SPECC1: variants seen among roughly 807,000 people sequenced by gnomAD.
SPECC1 encodes sperm antigen with calponin homology and coiled-coil domains 1, also known as cytospin-B.
Under a neutral mutation model 104.1 loss-of-function variants are expected in SPECC1, and 62 were observed. The observed-to-expected ratio is 0.60, with a 90% CI of 0.49 to 0.74. SPECC1 has a LOEUF of 0.74. SPECC1 is among the 30% of genes least tolerant of loss of function. The pLI is 0.00. For synonymous variants in SPECC1, 513 were observed against 501.6 expected, an observed-to-expected ratio of 1.02 and a Z score of -0.30; for missense variants, 1,306 against 1,310.5, an observed-to-expected ratio of 1.00 and a Z score of 0.05.
chr17:20,018,135 T>C, intron 1 of SPECC1: 1 of 152,268 alleles, frequency 6.6e-6, no homozygotes, highest in East Asian at 1.9e-4. Context: ...CCTCTGCTGT[T>C]CTATCTGCTG....
chr17:20,234,221 A>G (rs1210811465), intron 7 of SPECC1, among the ~76,000 whole-genome samples: 1 of 151,868 alleles, frequency 6.6e-6, no homozygotes, highest in Non-Finnish European at 1.5e-5. Flanking sequence ...TTGCAAACCT[A>G]CCTCCCAATC....
At chr17:20,045,933 C>T (rs1478576588) in intron 1 of SPECC1, among the ~76,000 whole-genome samples, 2 of 151,716 alleles carry the variant, frequency 1.3e-5, no homozygotes, top group African/African-American at 4.8e-5. Flanking sequence ...GGCTTTTCCT[C>T]CCCCTCTGTT....
chr17:20,053,479 A>G (rs868106205), intron 1 of SPECC1, among the ~76,000 whole-genome samples: 3 of 152,216 alleles, frequency 2.0e-5, no homozygotes, highest in African/African-American at 7.2e-5. Flanking sequence ...CTTTCTAACT[A>G]ATGGAATAAG....
chr17:20,079,206 G>C (rs898980423), intron 1 of SPECC1, among the ~76,000 whole-genome samples: 3 of 152,116 alleles, frequency 2.0e-5, no homozygotes, highest in South Asian at 4.1e-4. Flanking sequence ...GTGCAGTTGC[G>C]TCCCCACACA....
At chr17:20,308,177 C>T (rs1184720504) in intron 14 of SPECC1, among the ~76,000 whole-genome samples, 2 of 151,990 alleles carry the variant, frequency 1.3e-5, no homozygotes, top group East Asian at 3.9e-4. Flanking sequence ...CACCTGAGGT[C>T]AGGAGTTTGA....
intron 12 of SPECC1, among the ~76,000 whole-genome samples, chr17:20,271,538 T>C (rs549170166): frequency 6.6e-6 from 1 of 152,202 alleles, no homozygotes; most frequent in African/African-American, 2.4e-5. Flanking sequence ...TACTTAGTTT[T>C]GTATGTAAAT....
chr17:20,310,937 G>C (rs2041912551), intron 14 of SPECC1, among the ~76,000 whole-genome samples: 1 of 152,134 alleles, frequency 6.6e-6, no homozygotes, highest in African/African-American at 2.4e-5. Context: ...TGGAGGTCCT[G>C]CAAGGTGGAT....
chr17:20,265,932 A>T (rs1008056254), intron 12 of SPECC1, among the ~76,000 whole-genome samples: 9 of 152,200 alleles, frequency 5.9e-5, no homozygotes, highest in African/African-American at 1.4e-4. Context: ...TAACTTGTGT[A>T]TGTGTCTGTT....
Position 20,204,657 on chromosome 17 carries a change from A to G in SPECC1, c.608A>G (p.Glu203Gly). Reference protein sequence around the residue: ...KYKEKRTLNAEGTDALGPNVD... With the variant: ...KYKEKRTLNAGGTDALGPNVD... The stretch of plus-strand genomic sequence containing the variant: ...AAAGAGAAAAGGACTCTGAACGCTG[A>G]GGGGACTGATGCTTTGGGCCCAAAT... Residue 203 changes from glutamate to glycine, a missense_variant, in exon 4 of 15, where the codon GAG becomes GGG. By Grantham distance (98) the Glu-to-Gly change is moderately conservative. This residue lies in a region of SPECC1 where 1,177 missense variants were observed against 1,139.9 expected (regional missense o/e 1.03). Transcript: ENST00000395527. 1.2e-6 allele frequency: 2 copies of G among 1,614,100 alleles called. No homozygotes were observed. Among genetic ancestry groups the G allele is most frequent in the South Asian group, 2.2e-5 (2 of 91,064 alleles).
At chr17:20,257,383 G>C in intron 10 of SPECC1, 68 bp from the exon 11 acceptor site, 1 of 1,489,854 alleles carries the variant, frequency 6.7e-7, no homozygotes, top group Non-Finnish European at 9.0e-7. Context: ...TTGTATTTGA[G>C]AATGAAGTAT....
At chr17:20,013,959 T>C (rs2044030149) in intron 1 of SPECC1, among the ~76,000 whole-genome samples, 1 of 152,196 alleles carries the variant, frequency 6.6e-6, no homozygotes, top group Non-Finnish European at 1.5e-5. Flanking sequence ...GTTGAGTGAG[T>C]GTGTGCATTT....
intron 5 of SPECC1, 144 bp from the exon 6 acceptor site, chr17:20,231,614 G>A: frequency 1.4e-6 from 1 of 699,720 alleles, no homozygotes; most frequent in Non-Finnish European, 2.5e-6. Flanking sequence ...AATTGAAATT[G>A]CTAAAAGTTG....
chr17:20,234,246 C>T (rs1294066056), intron 7 of SPECC1, among the ~76,000 whole-genome samples: 3 of 152,110 alleles, frequency 2.0e-5, no homozygotes, highest in Non-Finnish European at 4.4e-5. Context: ...AGTTTAATCC[C>T]TTCTCAAAAA....
intron 1 of SPECC1, among the ~76,000 whole-genome samples, chr17:20,080,972 A>G (rs2046949041): frequency 6.6e-6 from 1 of 151,914 alleles, no homozygotes; most frequent in African/African-American, 2.4e-5. Flanking sequence ...CCAAACTTGC[A>G]TTCTCCTTCC....
intron 13 of SPECC1, among the ~76,000 whole-genome samples, chr17:20,303,688 C>CA (rs2041665827): frequency 2.0e-5 from 3 of 152,270 alleles, no homozygotes; most frequent in Admixed American, 1.3e-4. Context: ...TGCTGTGGCT[C>CA]ACGTCTGTAA....
At chr17:20,062,692 ATT>A (rs112506359) in intron 1 of SPECC1, among the ~76,000 whole-genome samples, 9 of 143,090 alleles carry the variant, frequency 6.3e-5, no homozygotes, top group East Asian at 4.1e-4. Context: ...CAAGAAATAC[ATT>A]TTTTTTTTTT....
At chr17:20,026,698 A>C (rs2044612990) in intron 1 of SPECC1, among the ~76,000 whole-genome samples, 1 of 152,170 alleles carries the variant, frequency 6.6e-6, no homozygotes, top group Non-Finnish European at 1.5e-5. Flanking sequence ...ATGCACATTT[A>C]GATTTATTCC....
At chr17:20,192,258 A>C (rs929734327) in intron 3 of SPECC1, among the ~76,000 whole-genome samples, 1 of 152,026 alleles carries the variant, frequency 6.6e-6, no homozygotes, top group Non-Finnish European at 1.5e-5. Context: ...TACAGGTGTG[A>C]GCCATTACAC....
chr17:20,027,231 T>C (rs1300890954), intron 1 of SPECC1, among the ~76,000 whole-genome samples: 2 of 152,204 alleles, frequency 1.3e-5, no homozygotes, highest in Non-Finnish European at 2.9e-5. Context: ...TGTCTTCCTT[T>C]GAGAATGTTT....
Sources: gnomAD v4.1 joint callset for allele counts (sites outside exome capture counted in the v4.1 genomes callset) on GRCh38, gnomAD v4.1.1 for gene constraint, gnomAD v4.1.1 regional missense constraint, MANE v1.5 for transcripts, NCBI Gene and HGNC (gene_info 2026-07-23, HGNC 2026-07-21) for gene names.